Variants in COL4A4 observed in about 807,000 individuals in gnomAD.
COL4A4 encodes collagen type IV alpha 4 chain, also known as collagen alpha-4(IV) chain.
Under a neutral mutation model 192.9 loss-of-function variants are expected in COL4A4, and 105 were observed. The ratio of observed to expected loss-of-function variants is 0.54; its 90% CI spans 0.46 to 0.64. The LOEUF (loss-of-function observed/expected upper bound fraction) is 0.64. COL4A4 is among the 30% of genes least tolerant of loss of function. The pLI, the probability that COL4A4 is intolerant of heterozygous loss-of-function variation, is 0.00. For missense variants in COL4A4, 1,967 were observed against 2,169.3 expected (o/e 0.91, Z 1.85); for synonymous variants, 762 against 769.9 (o/e 0.99, Z 0.17).
chr2:226,986,772 C>T, the COL4A4 span, among the ~76,000 whole-genome samples: 6 of 152,230 alleles, frequency 3.9e-5, no homozygotes, highest in South Asian at 2.1e-4. Context: ...GATAGTGTGG[C>T]GATTCCTCAA....
intron 25 of COL4A4, among the ~76,000 whole-genome samples, chr2:227,067,734 T>A (rs2058437919): frequency 6.6e-6 from 1 of 151,914 alleles, no homozygotes; most frequent in Admixed American, 6.6e-5. Context: ...AGAGGGAAAT[T>A]TATAGCACTA....
Position 227,152,946 on chromosome 2 carries a change from T to C in COL4A4, c.-101-5362A>G, listed in dbSNP as rs137934979. ...CTGCTAATAAATACACACCTGAGAC[T>C]GGGTAATTTGTAAAGGAAAGGGGTT... On this transcript the variant is annotated intron_variant, in intron 1 of 47. Transcript: ENST00000396625. Among the ~76,000 whole-genome samples the C allele has an allele frequency of 8.5e-5, 13 of 152,284 alleles. No homozygotes were observed. The East Asian group carries it at 2.5e-3, about 29-fold the overall frequency.
intron 40 of COL4A4, among the ~76,000 whole-genome samples, chr2:227,031,736 G>A (rs1231463270): frequency 6.6e-6 from 1 of 152,140 alleles, no homozygotes; most frequent in Non-Finnish European, 1.5e-5. Flanking sequence ...AAATTGAAGA[G>A]AGGGCCAAGT....
Position 227,114,715 on chromosome 2 carries a change from T to C in COL4A4, c.490-19A>G. 1 of 1,584,828 alleles carries C rather than the reference T, an allele frequency of 6.3e-7. No individual in the cohort carries two copies. The highest frequency in any genetic ancestry group is 8.7e-7 in the Non-Finnish European group (1 of 1,153,290). On this transcript the variant is annotated intron_variant, in intron 7 of 47. Coordinates refer to ENST00000396625, the MANE Select transcript of COL4A4 (RefSeq NM_000092.5). The stretch of plus-strand genomic sequence containing the variant: ...GATGGCCCTGAAAATAAAATATGTA[T>C]GTACTTAACAGGAAAATAGCATATT...
the COL4A4 span, among the ~76,000 whole-genome samples, chr2:226,994,075 G>T: frequency 7.9e-4 from 121 of 152,270 alleles, 2 homozygotes; most frequent in East Asian, 0.021. Context: ...TGCTGCTTTT[G>T]AGAGCTGGAC....
chr2:227,037,892 A>AG (rs1425496756), intron 37 of COL4A4, among the ~76,000 whole-genome samples: 6 of 152,136 alleles, frequency 3.9e-5, no homozygotes, highest in African/African-American at 1.4e-4. Context: ...TGTCTTTTTG[A>AG]GAAGTGTCTG....
intron 8 of COL4A4, among the ~76,000 whole-genome samples, chr2:227,113,259 T>C (rs1453113094): frequency 1.3e-5 from 2 of 152,140 alleles, no homozygotes; most frequent in Non-Finnish European, 2.9e-5. Context: ...TTAGAATGAG[T>C]ATAAAGTGGA....
At chr2:226,973,103 G>A in the COL4A4 span, among the ~76,000 whole-genome samples, 1 of 152,140 alleles carries the variant, frequency 6.6e-6, no homozygotes, top group African/African-American at 2.4e-5. Flanking sequence ...TTCCTCCCTG[G>A]ACTTCAGCCT....
rs1963338247 is a variant in COL4A4 at position 227,010,223 on chromosome 2, T to A, written c.4522+90A>T. ...AAGTAAGAATAATCCCATATAAGGT[T>A]AGTGATCATTTAAGGTGCTGATGAA... On this transcript the variant is annotated intron_variant, in intron 46 of 47. Coordinates refer to ENST00000396625, the MANE Select transcript of COL4A4 (RefSeq NM_000092.5). 7 of 1,272,262 alleles carry A rather than the reference T, an allele frequency of 5.5e-6. No individual in the cohort carries two copies. In the South Asian group the frequency reaches 8.4e-5, roughly 15 times the overall value. The allele number at this position is 1,272,262 out of a possible 1,614,324, so 78.8% of individuals were successfully genotyped here.
At position 227,006,244 on chromosome 2, in the gene COL4A4, A is replaced by T. The variant is rs920104338; in HGVS notation, c.*1081T>A. ...TTAATTTTCTCCCAAGTGCATAATG[A>T]TAGCTCTGTCACGTCCCTGTGTGAG... On this transcript the variant is annotated 3_prime_UTR_variant, in exon 48 of 48. Transcript: ENST00000396625. The T allele has an allele frequency of 6.6e-6, 1 of 152,646 alleles. No individual in the cohort carries two copies. The highest frequency in any genetic ancestry group is 6.5e-5 in the Admixed American group (1 of 15,282). The allele number at this position is 152,646 out of a possible 1,614,324, so 9.5% of individuals were successfully genotyped here.
At chr2:227,019,303 A>G (rs1201618135) in intron 44 of COL4A4, among the ~76,000 whole-genome samples, 1 of 152,240 alleles carries the variant, frequency 6.6e-6, no homozygotes, top group Non-Finnish European at 1.5e-5. Flanking sequence ...GTGCATTCAT[A>G]TAACAGGGCG....
chr2:227,060,725 ATTTTT>A (rs11458771), intron 26 of COL4A4, among the ~76,000 whole-genome samples: 7 of 139,084 alleles, frequency 5.0e-5, no homozygotes, highest in South Asian at 2.3e-4. Context: ...GTAATAGAGA[ATTTTT>A]TTTTTTTTTT....
intron 8 of COL4A4, among the ~76,000 whole-genome samples, chr2:227,113,019 C>T (rs1398865394): frequency 6.6e-6 from 1 of 152,138 alleles, no homozygotes; most frequent in Non-Finnish European, 1.5e-5. Context: ...CTGCTATGAA[C>T]ATGCATGTAC....
intron 35 of COL4A4, among the ~76,000 whole-genome samples, chr2:227,046,116 T>C (rs1972812633): frequency 8.3e-6 from 1 of 121,008 alleles, no homozygotes; most frequent in Admixed American, 8.5e-5. Flanking sequence ...TCTAAATATA[T>C]TTGTTCATGT....
At chr2:227,031,922 C>G in intron 40 of COL4A4, 23 bp downstream of exon 40, 2 of 1,540,444 alleles carry the variant, frequency 1.3e-6, no homozygotes, top group Non-Finnish European at 1.8e-6. Flanking sequence ...GCACTGCCAT[C>G]CTTTGTCATG....
intron 37 of COL4A4, among the ~76,000 whole-genome samples, chr2:227,041,616 G>C (rs758440797): frequency 6.7e-6 from 1 of 148,874 alleles, no homozygotes; most frequent in Non-Finnish European, 1.5e-5. Flanking sequence ...ACTCCAGCCT[G>C]GGTGACAGAG....
chr2:227,049,971 T>C (rs1973724515), intron 34 of COL4A4, 97 bp downstream of exon 34: 2 of 1,162,374 alleles, frequency 1.7e-6, no homozygotes, highest in Non-Finnish European at 1.3e-6. Context: ...GTTTCTTTGA[T>C]ACACTTTGCT....
rs1479509367 is a variant in COL4A4 at position 227,065,945 on chromosome 2, C to G, written c.1988-3347G>C. Among the ~76,000 whole-genome samples the G allele has an allele frequency of 2.6e-5, 4 of 152,176 alleles. No homozygotes were observed. In the East Asian group the frequency reaches 7.7e-4, roughly 29 times the overall value. On this transcript the variant is annotated intron_variant, in intron 25 of 47. Transcript: ENST00000396625. ...TTACTCCGAGCTACGGGGGAACATT[C>G]AAACCAAAGGCAAAGAAGTTGAAAA...
Position 227,062,560 on chromosome 2 carries a change from G to C in COL4A4, c.2026C>G (p.His676Asp). The change falls in exon 26 of 48, where the codon CAT becomes GAT. Residue 676 changes from histidine (H) to aspartate (D), a missense_variant. By Grantham distance (81) the His-to-Asp change is moderately conservative. Coordinates refer to ENST00000396625, the MANE Select transcript of COL4A4 (RefSeq NM_000092.5). ...ISCNVTYPGR[H>D]GPPGFDGPPG... ...GGTCCATCAAAACCTGGAGGGCCAT[G>C]CCTCCCAGGGTAGGTTACGTTGCAA... is the stretch of plus-strand genomic sequence containing the variant. The C allele has an allele frequency of 6.2e-7, 1 of 1,612,626 alleles. No individual in the cohort carries two copies. Among genetic ancestry groups the C allele is most frequent in the Non-Finnish European group, 8.5e-7 (1 of 1,178,816 alleles).
Sources: allele counts gnomAD v4.1 joint callset (sites outside exome capture counted in the v4.1 genomes callset), GRCh38; gene constraint gnomAD v4.1.1; transcripts MANE v1.5; gene names NCBI Gene and HGNC (gene_info 2026-07-23, HGNC 2026-07-21).